PI4KA: variants seen among roughly 807,000 people sequenced by gnomAD.
The protein encoded by PI4KA is PI4-kinase alpha.
A neutral mutation model predicts 271.4 loss-of-function variants in PI4KA; 122 were observed. That is an observed-to-expected ratio of 0.45 (90% CI 0.39 to 0.52). The LOEUF is 0.52. Ranked by LOEUF, PI4KA falls within the 20% of genes least tolerant of loss-of-function variation. The pLI, the probability that PI4KA is intolerant of heterozygous loss-of-function variation, is 0.00. For missense variants in PI4KA, 1,969 were observed against 2,769.1 expected, an observed-to-expected ratio of 0.71 and a Z score of 6.48; for synonymous variants, 1,041 against 1,078.8, an observed-to-expected ratio of 0.96 and a Z score of 0.69.
chr22:20,779,186 C>T (rs1933542108), intron 19 of PI4KA: 8 of 1,580,292 alleles, frequency 5.1e-6, no homozygotes, highest in Non-Finnish European at 6.8e-6. Context: ...AGAACTAATG[C>T]TGTGAGGGCC....
chr22:20,721,552 G>A (rs1926740863), intron 42 of PI4KA, 134 bp from the exon 43 acceptor site: 1 of 881,528 alleles, frequency 1.1e-6, no homozygotes, highest in African/African-American at 1.7e-5. Context: ...GTGTGGACAA[G>A]CTCTCCAGGA....
intron 42 of PI4KA, among the ~76,000 whole-genome samples, chr22:20,723,889 A>T (rs1193829241): frequency 6.6e-6 from 1 of 151,648 alleles, no homozygotes; most frequent in African/African-American, 2.4e-5. Flanking sequence ...CCCAGGCTGG[A>T]GAGCAGTGGC....
intron 22 of PI4KA, among the ~76,000 whole-genome samples, chr22:20,762,039 C>T (rs1374786702): frequency 6.6e-6 from 1 of 152,060 alleles, no homozygotes; most frequent in Non-Finnish European, 1.5e-5. Context: ...CCAGTGTTTT[C>T]TCTTCTCTTT....
In PI4KA at chr22:20,717,772, G is replaced by A. The variant is rs1462062636; in HGVS notation, c.5253C>T (p.Tyr1751=). ...CCTTCTTTCTCTCGTCGCCTTTAGG[G>A]TAGGGCCTGAGAAACAGGAAAGAAA... The part of the protein sequence containing the change: ...ITNVSAIIKP[Y]PKGDERKKAC... The change falls in exon 45 of 55, where the codon TAC becomes TAT. Residue 1751 remains tyrosine, a synonymous_variant. Coordinates refer to ENST00000255882, the MANE Select transcript of PI4KA (RefSeq NM_058004.4). The A allele has an allele frequency of 6.4e-7, 1 of 1,567,476 alleles. No individual in the cohort carries two copies. Among genetic ancestry groups the A allele is most frequent in the Non-Finnish European group, 8.7e-7 (1 of 1,154,056 alleles).
At position 20,851,482 on chromosome 22, in the gene PI4KA, C is replaced by A. The variant is rs181317002; in HGVS notation, c.156+7088G>T. ...CCTCCCAAGTAGCTGGGCTTACAGG[C>A]GCACACCACCACGCCCTGCTAATTT... is the stretch of plus-strand genomic sequence containing the variant. On this transcript the variant is annotated intron_variant, in intron 1 of 54. Transcript: ENST00000255882. 2.2e-3 allele frequency among the ~76,000 whole-genome samples: 333 copies of A among 152,214 alleles called. 1 individual carries two copies. Among genetic ancestry groups the A allele is most frequent in the Non-Finnish European group, 3.8e-3 (259 of 68,012 alleles).
rs1267847972 is a variant in PI4KA at position 20,752,926 on chromosome 22, C to T, written c.2964G>A (p.Lys988=). ...ACTTATCCACCAGACCAGATAGATA[C>T]TTGTCTGCCACCCTCCTTATCCTCT... is the stretch of plus-strand genomic sequence containing the variant. The part of the protein sequence containing the change: ...IHKRIRRVAD[K]YLSGLVDKFP... The change falls in exon 25 of 55, where the codon AAG becomes AAA. Residue 988 remains lysine, a synonymous_variant. Coordinates refer to ENST00000255882, the MANE Select transcript of PI4KA (RefSeq NM_058004.4). 1 of 1,614,050 alleles carries T rather than the reference C, an allele frequency of 6.2e-7. No homozygotes were observed. Among genetic ancestry groups the T allele is most frequent in the East Asian group, 2.2e-5 (1 of 44,904 alleles).
At chr22:20,739,676 A>C (rs970525450) in intron 32 of PI4KA, among the ~76,000 whole-genome samples, 3 of 152,196 alleles carry the variant, frequency 2.0e-5, no homozygotes, top group Admixed American at 2.0e-4. Context: ...TATAAAAATA[A>C]TTACAATAAA....
At chr22:20,813,279 C>T in intron 8 of PI4KA, 79 bp downstream of exon 8, 1 of 1,124,812 alleles carries the variant, frequency 8.9e-7, no homozygotes, top group Admixed American at 2.0e-5. Flanking sequence ...CTGAGTTTTT[C>T]TTTTAAAAAT....
rs754894539 is a variant in PI4KA at position 20,714,460 on chromosome 22, T to C, written c.5459A>G (p.Glu1820Gly). The C allele has an allele frequency of 2.5e-6, 4 of 1,610,736 alleles. No individual in the cohort carries two copies. Among genetic ancestry groups the C allele is most frequent in the Non-Finnish European group, 2.5e-6 (3 of 1,177,722 alleles). ...CAAAATCAGGGTTCTTTACTGACCTTCTTTTTCAAGTTCACTAACTCCACA... is the reference window on the plus strand; with the variant it reads ...CAAAATCAGGGTTCTTTACTGACCTCCTTTTTCAAGTTCACTAACTCCACA... ...KRCGVSELEK[E>G]GLRCRSDSED... is the part of the protein sequence containing the mutation. Residue 1820 changes from glutamate to glycine, a missense_variant and splice_region_variant, in exon 47 of 55, where the codon GAA (glutamate) becomes GGA (glycine). This residue lies in a region of PI4KA where 388 missense variants were observed against 521.5 expected (regional missense o/e 0.74). Coordinates refer to ENST00000255882, the MANE Select transcript of PI4KA (RefSeq NM_058004.4).
chr22:20,779,729 A>C, intron 19 of PI4KA: 2 of 1,614,194 alleles, frequency 1.2e-6, no homozygotes. Context: ...ACCTCTACCG[A>C]GTGCTGAAAG....
At chr22:20,742,432 G>A (rs1331745978) in intron 31 of PI4KA, 77 bp from the exon 32 acceptor site, 2 of 1,581,190 alleles carry the variant, frequency 1.3e-6, no homozygotes, top group African/African-American at 2.7e-5. Flanking sequence ...GCCAACAAGA[G>A]TTGACCAGCT....
chr22:20,857,608 G>C (rs923122798), intron 1 of PI4KA, among the ~76,000 whole-genome samples: 12 of 152,178 alleles, frequency 7.9e-5, no homozygotes, highest in Admixed American at 3.9e-4. Context: ...ATCGCACACG[G>C]GTGGGCAAAG....
chr22:20,745,184 C>T (rs968356813), intron 29 of PI4KA, among the ~76,000 whole-genome samples: 6 of 152,152 alleles, frequency 3.9e-5, no homozygotes, highest in Non-Finnish European at 5.9e-5. Context: ...AAAGGGTACA[C>T]CTTGAATACA....
intron 17 of PI4KA, 45 bp downstream of exon 17, chr22:20,798,539 G>A (rs771628422): frequency 1.8e-6 from 2 of 1,142,774 alleles, no homozygotes; most frequent in South Asian, 2.5e-5. Flanking sequence ...TTTAAAGTAA[G>A]TTAAATACTG....
At chr22:20,845,680 G>A (rs1019716845) in intron 1 of PI4KA, among the ~76,000 whole-genome samples, 1 of 152,170 alleles carries the variant, frequency 6.6e-6, no homozygotes, top group Admixed American at 6.6e-5. Flanking sequence ...GATCCTACAA[G>A]CACCCTGGAT....
Position 20,721,477 on chromosome 22 carries a change from G to C in PI4KA, c.4996-59C>G, listed in dbSNP as rs907326430. 1.3e-5 allele frequency: 20 copies of C among 1,591,390 alleles called. No homozygotes were observed. The African/African-American group carries it at 2.7e-4, about 21-fold the overall frequency. On this transcript the variant is annotated intron_variant, in intron 42 of 54. Transcript: ENST00000255882. ...CGGCCCTCTCCATGAGGAGGGCCTT[G>C]TCAGCAGCTGCTGACTCCCGGCATT... is the stretch of plus-strand genomic sequence containing the variant.
chr22:20,858,602 G>C lies in PI4KA; in HGVS notation c.124C>G (p.Leu42Val). Residue 42 changes from leucine to valine, a missense_variant, in exon 1 of 55, where the codon CTG becomes GTG. Leu to Val is a conservative substitution (Grantham distance 32). This residue lies in a region of PI4KA where 540 missense variants were observed against 555.5 expected (regional missense o/e 0.97). Transcript: ENST00000255882. ...AAGGATGCTGGTCTCTGCACCGCCAGGGAGCGGGCCAGTGACAGGACCGTG... is the reference window on the plus strand; with the variant it reads ...AAGGATGCTGGTCTCTGCACCGCCACGGAGCGGGCCAGTGACAGGACCGTG... ...FNTVLSLARS[L>V]AVQRPASLEK... 11 of 1,476,052 alleles carry C rather than the reference G, an allele frequency of 7.5e-6. No individual in the cohort carries two copies. The highest frequency in any genetic ancestry group is 1.5e-5 in the African/African-American group (1 of 68,740). The allele number at this position is 1,476,052 out of a possible 1,614,324, so 91.4% of individuals were successfully genotyped here.
At chr22:20,842,319 G>A (rs1045841456) in intron 1 of PI4KA, among the ~76,000 whole-genome samples, 3 of 152,112 alleles carry the variant, frequency 2.0e-5, no homozygotes, top group African/African-American at 7.2e-5. Context: ...CCATCACCTT[G>A]ATTTCAGTCC....
chr22:20,843,025 G>A (rs1488896616), intron 1 of PI4KA, among the ~76,000 whole-genome samples: 1 of 150,706 alleles, frequency 6.6e-6, no homozygotes, highest in East Asian at 1.9e-4. Flanking sequence ...GTGAACCCGG[G>A]AGGCAGAGCT....
Sources: gnomAD v4.1 joint callset for allele counts (sites outside exome capture counted in the v4.1 genomes callset) on GRCh38, gnomAD v4.1.1 for gene constraint, gnomAD v4.1.1 regional missense constraint, MANE v1.5 for transcripts, NCBI Gene and HGNC (gene_info 2026-07-23, HGNC 2026-07-21) for gene names.